NECAB2: variants seen among roughly 807,000 people sequenced by gnomAD.
NECAB2 encodes N-terminal EF-hand calcium binding protein 2.
A neutral mutation model predicts 51.9 loss-of-function variants in NECAB2; 68 were observed. That is an observed-to-expected ratio of 1.31 (90% CI 1.08 to 1.60). The LOEUF (loss-of-function observed/expected upper bound fraction) is 1.60. Among genes scored for constraint, NECAB2 ranks in the 40% most tolerant of loss-of-function variants. The pLI, the probability that NECAB2 is intolerant of heterozygous loss-of-function variation, is 0.00. For missense variants in NECAB2, 854 were observed against 490.3 expected (o/e 1.74, Z -7.00); for synonymous variants, 329 against 203.5 (o/e 1.62, Z -5.25).
chr16:83,996,562 A>C lies in NECAB2; in HGVS notation c.796-654A>C, dbSNP rs962716580. 5.9e-5 allele frequency among the ~76,000 whole-genome samples: 9 copies of C among 152,202 alleles called. No homozygotes were observed. The East Asian group carries it at 1.7e-3, about 29-fold the overall frequency. ...CACAGAGGTGGTTAGTGGGGTGCCC[A>C]AGCTGAAGGAAGCAGCAGCATGAGC... On this transcript the variant is annotated intron_variant, in intron 8 of 12. Transcript: ENST00000305202.
intron 9 of NECAB2, 113 bp from the exon 10 acceptor site, chr16:83,998,092 G>A (rs1020223152): frequency 7.8e-6 from 7 of 895,862 alleles, no homozygotes; most frequent in African/African-American, 1.7e-5. Context: ...AATGAAAAGT[G>A]GGGGAGGGTT....
intron 5 of NECAB2, among the ~76,000 whole-genome samples, chr16:83,985,695 T>C (rs549765663): frequency 3.3e-5 from 5 of 152,270 alleles, no homozygotes; most frequent in African/African-American, 1.2e-4. Flanking sequence ...TAATGTGTAG[T>C]ATTTTCAACC....
chr16:83,989,171 G>A (rs1490261739), intron 5 of NECAB2, among the ~76,000 whole-genome samples: 3 of 152,048 alleles, frequency 2.0e-5, no homozygotes, highest in African/African-American at 2.4e-5. Flanking sequence ...TTGGCCATTC[G>A]CGTGTCTGGA....
rs138549105 is a variant in NECAB2 at position 83,989,939 on chromosome 16, C to G, written c.460-555C>G. ...CCGGGCACTTTCCTCCCTTCAGCTG[C>G]TTTTGATTCCGTTTTGTCATTTTCC... is the stretch of plus-strand genomic sequence containing the variant. On this transcript the variant is annotated intron_variant, in intron 5 of 12. Coordinates refer to ENST00000305202, the MANE Select transcript of NECAB2 (RefSeq NM_019065.3). Among the ~76,000 whole-genome samples the G allele has an allele frequency of 4.2e-3, 645 of 152,316 alleles. 3 individuals are homozygous for G. The highest frequency in any genetic ancestry group is 0.014 in the African/African-American group (597 of 41,572).
At chr16:84,000,041 C>T (rs2084793605) in intron 10 of NECAB2, among the ~76,000 whole-genome samples, 1 of 147,444 alleles carries the variant, frequency 6.8e-6, no homozygotes, top group African/African-American at 2.7e-5. Context: ...GATGTGCCAC[C>T]AGGCCCAGCA....
intron 12 of NECAB2, among the ~76,000 whole-genome samples, 190 bp from the exon 13 acceptor site, chr16:84,002,128 C>A (rs570369733): frequency 6.6e-6 from 1 of 152,312 alleles, no homozygotes; most frequent in African/African-American, 2.4e-5. Context: ...CCCTCCACGG[C>A]CCCCTACTTC....
At chr16:83,965,291 C>A (rs778309063), upstream of NECAB2, 2 of 1,600,968 alleles carry the variant, frequency 1.2e-6, no homozygotes, top group Admixed American at 3.4e-5. Context: ...GCTGTGGGCC[C>A]GCAACGTGGT....
At chr16:83,995,944 AC>A (rs1267741270) in intron 8 of NECAB2, among the ~76,000 whole-genome samples, 7 of 152,214 alleles carry the variant, frequency 4.6e-5, no homozygotes, top group Admixed American at 4.6e-4. Flanking sequence ...TTTTTAGAGC[AC>A]CGTCGCCCTA....
rs1383141261 is a variant in NECAB2, at chr16:84,001,830, T to TGCAGAGCCCCCTGTGTA, written c.1047_1063dup (p.Lys355SerfsTer17). The TGCAGAGCCCCCTGTGTA allele has an allele frequency of 6.2e-7, 1 of 1,614,020 alleles. No homozygotes were observed. The highest frequency in any genetic ancestry group is 8.5e-7 in the Non-Finnish European group (1 of 1,179,922). ...CACATGTCCCTGCGTCACAGGCACC[T>TGCAGAGCCCCCTGTGTA]GCAGAGCCCCCTGTGTAAGGCGTTC... On this transcript the variant is annotated frameshift_variant, in exon 12 of 13. Coordinates refer to ENST00000305202, the MANE Select transcript of NECAB2 (RefSeq NM_019065.3). LOFTEE classifies it high-confidence loss of function.
chr16:83,968,719 G>T lies in NECAB2; in HGVS notation c.71G>T (p.Gly24Val). ...CTGCTCCGGGAGCCGCCGCAGCAGGGCCGGGCGCTGGGCGGGCTGCTGCGC... is the reference window on the plus strand; with the variant it reads ...CTGCTCCGGGAGCCGCCGCAGCAGGTCCGGGCGCTGGGCGGGCTGCTGCGC... Reference protein sequence around the residue: ...HRLLREPPQQGRALGGLLRWV... With the variant: ...HRLLREPPQQVRALGGLLRWV... Residue 24 changes from glycine to valine, a missense_variant, in exon 1 of 13, where the codon GGC becomes GTC. Gly to Val is a moderately radical substitution (Grantham distance 109). Coordinates refer to ENST00000305202, the MANE Select transcript of NECAB2 (RefSeq NM_019065.3). 9.8e-7 allele frequency: 1 copy of T among 1,021,070 alleles called. No individual in the cohort carries two copies. 63.3% of individuals were successfully genotyped at this position (1,021,070 alleles called of 1,614,324 possible).
At chr16:83,979,978 C>CT (rs1206626764) in intron 3 of NECAB2, among the ~76,000 whole-genome samples, 1 of 152,158 alleles carries the variant, frequency 6.6e-6, no homozygotes, top group East Asian at 1.9e-4. Context: ...TGCCAGAACT[C>CT]TGAATATGAG....
intron 4 of NECAB2, 56 bp from the exon 5 acceptor site, chr16:83,980,974 T>G (rs1597205154): frequency 1.9e-6 from 3 of 1,604,072 alleles, no homozygotes; most frequent in East Asian, 4.5e-5. Flanking sequence ...GGTGCAGGAG[T>G]GCTGAGTGGG....
At position 84,002,757 on chromosome 16, in the gene NECAB2, A is replaced by C; in HGVS notation, c.*411A>C. 1 of 214,236 alleles carries C rather than the reference A, an allele frequency of 4.7e-6. No homozygotes were observed. Among genetic ancestry groups the C allele is most frequent in the Non-Finnish European group, 9.5e-6 (1 of 105,068 alleles). The allele number at this position is 214,236 out of a possible 1,614,324, so 13.3% of individuals were successfully genotyped here. On this transcript the variant is annotated 3_prime_UTR_variant, in exon 13 of 13. Transcript: ENST00000305202. ...AGCCACCACTGTGCCCAGGCGCCAA[A>C]TAAACCCTGGTTGGGAAGAGCTGTG...
intron 10 of NECAB2, among the ~76,000 whole-genome samples, chr16:84,000,093 T>C (rs1027611009): frequency 2.6e-5 from 4 of 151,806 alleles, no homozygotes; most frequent in Non-Finnish European, 4.4e-5. Flanking sequence ...TGTTTTGCCA[T>C]GTTGGCTAGG....
intron 3 of NECAB2, 96 bp from the exon 4 acceptor site, chr16:83,980,743 G>T: frequency 6.8e-7 from 1 of 1,469,354 alleles, no homozygotes; most frequent in Admixed American, 2.0e-5. Flanking sequence ...AGGCTGCAAA[G>T]AGCAGGCAGG....
chr16:83,989,460 A>G (rs968550230), intron 5 of NECAB2, among the ~76,000 whole-genome samples: 1 of 152,174 alleles, frequency 6.6e-6, no homozygotes, highest in African/African-American at 2.4e-5. Flanking sequence ...ATTCCCAGTC[A>G]GAGTGATGGA....
At chr16:83,965,701 G>A, upstream of NECAB2, 3 of 1,613,670 alleles carry the variant, frequency 1.9e-6, no homozygotes, top group Non-Finnish European at 2.5e-6. Flanking sequence ...GCCAGGCCGT[G>A]TTCCAGGACC....
At chr16:83,971,760 G>A in intron 1 of NECAB2, 1 of 325,542 alleles carries the variant, frequency 3.1e-6, no homozygotes, top group Non-Finnish European at 5.7e-6. Context: ...CAGTGGTAAA[G>A]GTTGTGGCGC....
chr16:83,990,507 G>C lies in NECAB2; in HGVS notation c.473G>C (p.Gly158Ala). 6.2e-7 allele frequency: 1 copy of C among 1,614,062 alleles called. No homozygotes were observed. The highest frequency in any genetic ancestry group is 8.5e-7 in the Non-Finnish European group (1 of 1,180,008). ...TTCCTTCCACAGGTATATGAGGGTG[G>C]GAGCAACGTGGACCAGTTTGTGACC... is the stretch of plus-strand genomic sequence containing the variant. ...MGYTKKVYEG[G>A]SNVDQFVTRF... The change falls in exon 6 of 13, where the codon GGG (glycine) becomes GCG (alanine). Residue 158 changes from glycine (G) to alanine (A), a missense_variant. Transcript: ENST00000305202.
Sources: allele counts gnomAD v4.1 joint callset (sites outside exome capture counted in the v4.1 genomes callset), GRCh38; gene constraint gnomAD v4.1.1; transcripts MANE v1.5; gene names NCBI Gene and HGNC (gene_info 2026-07-23, HGNC 2026-07-21).